EP300: variants seen among roughly 807,000 people sequenced by gnomAD.
EP300 encodes histone acetyltransferase p300.
In EP300, 31 loss-of-function variants were observed where a neutral mutation model predicts 264.0. The observed-to-expected ratio is 0.12, with a 90% CI of 0.09 to 0.16. EP300 has a LOEUF of 0.16. Ranked by LOEUF, EP300 falls within the 10% of genes least tolerant of loss-of-function variation. EP300 has a pLI of 1.00. For synonymous variants in EP300, 1,340 were observed against 1,045.4 expected, an observed-to-expected ratio of 1.28 and a Z score of -5.44; for missense variants, 2,766 against 3,052.9, an observed-to-expected ratio of 0.91 and a Z score of 2.21.
At chr22:41,104,707 G>A (rs962209871) in intron 1 of EP300, among the ~76,000 whole-genome samples, 2 of 152,090 alleles carry the variant, frequency 1.3e-5, no homozygotes, top group African/African-American at 4.8e-5. Context: ...ATCAATTAAA[G>A]CACTTCACCT....
At chr22:41,146,941 GA>G (rs769868731) in intron 11 of EP300, 125 bp downstream of exon 11, 1 of 845,178 alleles carries the variant, frequency 1.2e-6, no homozygotes, top group Non-Finnish European at 1.9e-6. Context: ...CATAGAGGAA[GA>G]GGGGGTGAAG....
intron 30 of EP300, 49 bp downstream of exon 30, chr22:41,176,577 C>A (rs1435405676): frequency 6.2e-7 from 1 of 1,611,824 alleles, no homozygotes; most frequent in African/African-American, 1.3e-5. Flanking sequence ...CAGGGTTGTT[C>A]TGAGGGGCCA....
At chr22:41,171,742 G>A (rs2059172052) in intron 27 of EP300, among the ~76,000 whole-genome samples, 1 of 151,470 alleles carries the variant, frequency 6.6e-6, no homozygotes, top group South Asian at 2.1e-4. Context: ...CTCCCGAGTA[G>A]CTGGGATTAC....
chr22:41,157,459 T>C, intron 18 of EP300, 51 bp downstream of exon 18: 1 of 1,582,622 alleles, frequency 6.3e-7, no homozygotes, highest in Non-Finnish European at 8.6e-7. Context: ...ATACCTAGAA[T>C]AATATAGTGG....
chr22:41,111,973 C>T (rs370707799), intron 1 of EP300, among the ~76,000 whole-genome samples: 3 of 146,182 alleles, frequency 2.1e-5, no homozygotes, highest in Non-Finnish European at 4.5e-5. Flanking sequence ...CTGCAAGCTC[C>T]GCCTCCCGGG....
At chr22:41,168,346 T>C in intron 23 of EP300, 103 bp from the exon 24 acceptor site, 3 of 1,390,522 alleles carry the variant, frequency 2.2e-6, no homozygotes, top group Non-Finnish European at 3.1e-6. Flanking sequence ...CACCAAGTTA[T>C]CCTGTTTGTA....
chr22:41,161,079 G>A (rs1383295818), intron 20 of EP300, among the ~76,000 whole-genome samples: 10 of 152,146 alleles, frequency 6.6e-5, no homozygotes, highest in Non-Finnish European at 1.2e-4. Context: ...GCTTCTCTTC[G>A]AAAAATTGGA....
intron 6 of EP300, 101 bp from the exon 7 acceptor site, chr22:41,135,712 A>AT (rs957246633): frequency 1.7e-5 from 16 of 924,424 alleles, no homozygotes; most frequent in South Asian, 2.8e-5. Context: ...TATGCTGCAA[A>AT]TTTTTTTTCT....
At chr22:41,101,000 A>G (rs560976033) in intron 1 of EP300, among the ~76,000 whole-genome samples, 1 of 152,312 alleles carries the variant, frequency 6.6e-6, no homozygotes, top group Admixed American at 6.5e-5. Context: ...GTTAAGGCAT[A>G]ATGAGAAAAT....
chr22:41,160,325 G>GT, intron 19 of EP300: 1 of 359,374 alleles, frequency 2.8e-6, no homozygotes, highest in African/African-American at 2.2e-5. Flanking sequence ...TTGCTTTTAT[G>GT]TTTTTTGTTG....
intron 28 of EP300, 96 bp from the exon 29 acceptor site, chr22:41,173,527 A>G (rs2059182628): frequency 8.0e-7 from 1 of 1,257,162 alleles, no homozygotes; most frequent in Non-Finnish European, 1.1e-6. Flanking sequence ...GCATAAGATT[A>G]TGATATCTAG....
Position 41,178,277 on chromosome 22 carries a change from T to C in EP300, c.6566T>C (p.Met2189Thr), listed in dbSNP as rs760010321. 10 of 1,614,018 alleles carry C rather than the reference T, an allele frequency of 6.2e-6. No individual in the cohort carries two copies. In the South Asian group the frequency reaches 9.9e-5, roughly 16 times the overall value. ...GACATCTTGAGACGACAGCAAATGA[T>C]GCAACAGCAGCAGCAACAGGGAGCA... is the stretch of plus-strand genomic sequence containing the variant. ...FRDILRRQQM[M>T]QQQQQQGAGP... Residue 2189 changes from methionine to threonine, a missense_variant, in exon 31 of 31, where the codon ATG (methionine) becomes ACG (threonine). Physicochemically the swap from Met to Thr is moderately conservative, Grantham distance 81 (BLOSUM62 -1). Transcript: ENST00000263253.
At chr22:41,164,612 G>A (rs1365568334) in intron 22 of EP300, among the ~76,000 whole-genome samples, 1 of 152,220 alleles carries the variant, frequency 6.6e-6, no homozygotes, top group Non-Finnish European at 1.5e-5. Flanking sequence ...TCAGGAGGGA[G>A]GCTGAGGGAA....
intron 1 of EP300, among the ~76,000 whole-genome samples, chr22:41,108,787 T>C (rs1393805268): frequency 2.0e-5 from 3 of 152,236 alleles, no homozygotes; most frequent in East Asian, 1.9e-4. Context: ...GTTGATACTT[T>C]AGGAAGCGGG....
intron 1 of EP300, among the ~76,000 whole-genome samples, chr22:41,100,935 C>G (rs918168685): frequency 1.3e-4 from 19 of 151,944 alleles, no homozygotes; most frequent in Non-Finnish European, 1.5e-5. Flanking sequence ...CTTATATATC[C>G]TATCATGTAA....
At position 41,135,915 on chromosome 22, in the gene EP300, T is replaced by A; in HGVS notation, c.1622+9T>A. 6.3e-7 allele frequency: 1 copy of A among 1,588,618 alleles called. No homozygotes were observed. Among genetic ancestry groups the A allele is most frequent in the Non-Finnish European group, 8.6e-7 (1 of 1,156,780 alleles). On this transcript the variant is annotated intron_variant, in intron 7 of 30. Transcript: ENST00000263253. ...GCCATAAATTCTCAAAAGTAAGTCT[T>A]AACGTGATTTATACCCTGGGTCACA... is the stretch of plus-strand genomic sequence containing the variant.
At chr22:41,171,652 CTT>C (rs1346963518) in intron 27 of EP300, among the ~76,000 whole-genome samples, 7 of 144,434 alleles carry the variant, frequency 4.8e-5, no homozygotes, top group Admixed American at 1.4e-4. Context: ...TATATTCTCC[CTT>C]TTTTTTTTTT....
chr22:41,149,692 C>T, intron 13 of EP300, 69 bp from the exon 14 acceptor site: 3 of 1,486,586 alleles, frequency 2.0e-6, no homozygotes, highest in Non-Finnish European at 2.8e-6. Flanking sequence ...ATTTATATAT[C>T]ATGCCTATGT....
intron 25 of EP300, 137 bp from the exon 26 acceptor site, chr22:41,169,366 C>A: frequency 1.4e-6 from 1 of 694,810 alleles, no homozygotes; most frequent in Non-Finnish European, 2.6e-6. Flanking sequence ...GCCTACCTGC[C>A]TGTGATGAGC....
Sources: gnomAD v4.1 joint callset for allele counts (sites outside exome capture counted in the v4.1 genomes callset) on GRCh38, gnomAD v4.1.1 for gene constraint, MANE v1.5 for transcripts, NCBI Gene and HGNC (gene_info 2026-07-23, HGNC 2026-07-21) for gene names.